WNT2: variants seen among roughly 807,000 people sequenced by gnomAD.
WNT2 encodes Wnt family member 2, also known as protein Wnt-2.
Under a neutral mutation model 36.9 loss-of-function variants are expected in WNT2, and 12 were observed. The observed-to-expected ratio is 0.33, with a 90% CI of 0.21 to 0.53. WNT2 has a LOEUF of 0.53. Ranked by LOEUF, WNT2 falls within the 20% of genes least tolerant of loss-of-function variation. The probability of loss-of-function intolerance (pLI) is 0.95; values close to 1 mark genes in which losing one functional copy is unlikely to be tolerated. For synonymous variants in WNT2, 163 were observed against 174.6 expected (o/e 0.93, Z 0.52); for missense variants, 379 against 473.1 (o/e 0.80, Z 1.84).
At chr7:117,287,885 G>A (rs761984100) in intron 4 of WNT2, among the ~76,000 whole-genome samples, 3 of 152,114 alleles carry the variant, frequency 2.0e-5, no homozygotes, top group African/African-American at 7.2e-5. Flanking sequence ...CTACTCGGGA[G>A]GCTGAGGCAG....
rs1794386012 is a variant in WNT2 at position 117,276,726 on chromosome 7, A to G, written c.*1429T>C. On this transcript the variant is annotated 3_prime_UTR_variant, in exon 5 of 5. Coordinates refer to ENST00000265441, the MANE Select transcript of WNT2 (RefSeq NM_003391.3). ...GAACCAAATTTTTCAAGAAGACGAG[A>G]AGTAGCTATTTCACCTTTCTTTCAT... 1.3e-5 allele frequency: 2 copies of G among 152,192 alleles called. No individual in the cohort carries two copies. The highest frequency in any genetic ancestry group is 2.4e-5 in the African/African-American group (1 of 41,440). The allele number at this position is 152,192 out of a possible 1,614,324, so 9.4% of individuals were successfully genotyped here.
chr7:117,276,282 C>T lies in WNT2; in HGVS notation c.*1873G>A, dbSNP rs181365193. Among the ~76,000 whole-genome samples the T allele has an allele frequency of 6.6e-5, 10 of 152,340 alleles. 1 individual carries two copies. The highest frequency in any genetic ancestry group is 3.9e-4 in the Admixed American group (6 of 15,308). On this transcript the variant is annotated 3_prime_UTR_variant, in exon 5 of 5. Coordinates refer to ENST00000265441, the MANE Select transcript of WNT2 (RefSeq NM_003391.3). ...GGAAGGGCTGATGGCTGTGGGACCC[C>T]CATGAAAGTGCCTTCGCACTCTCAT...
intron 3 of WNT2, chr7:117,300,785 T>C (rs1482499821): frequency 1.3e-5 from 2 of 152,316 alleles, no homozygotes; most frequent in South Asian, 2.1e-4. Context: ...GGTGACAGAG[T>C]GAGACCTTGT....
chr7:117,314,529 C>T (rs1316615456), intron 3 of WNT2, among the ~76,000 whole-genome samples: 1 of 152,168 alleles, frequency 6.6e-6, no homozygotes, highest in East Asian at 1.9e-4. Flanking sequence ...CATGTCTTCT[C>T]CTGGTCCACT....
chr7:117,294,658 C>T (rs1279827772), intron 4 of WNT2, among the ~76,000 whole-genome samples: 2 of 148,324 alleles, frequency 1.3e-5, no homozygotes. Flanking sequence ...GAACCAATTT[C>T]AAATTTTTTA....
chr7:117,289,527 T>G (rs184083292), intron 4 of WNT2, among the ~76,000 whole-genome samples: 99 of 152,348 alleles, frequency 6.5e-4, no homozygotes, highest in Non-Finnish European at 1.1e-3. Flanking sequence ...TGGGTGGAGA[T>G]GTGCCTAGTA....
In WNT2 at chr7:117,315,142, C is replaced by T; in HGVS notation, c.517G>A (p.Asp173Asn). The T allele has an allele frequency of 1.9e-6, 3 of 1,614,170 alleles. No homozygotes were observed. The highest frequency in any genetic ancestry group is 1.7e-6 in the Non-Finnish European group (2 of 1,180,022). ...YGIKFARAFV[D>N]AKERKGKDAR... ...TCCTTTCCTTTCCTTTCCTTTGCAT[C>T]CACAAATGCGCGGGCAAATTTGATC... Residue 173 changes from aspartate to asparagine, a missense_variant, in exon 3 of 5, where the codon GAT (aspartate) becomes AAT (asparagine). By Grantham distance (23) the Asp-to-Asn change is conservative. Transcript: ENST00000265441.
chr7:117,314,523 T>C (rs530943773), intron 3 of WNT2, among the ~76,000 whole-genome samples: 4 of 152,188 alleles, frequency 2.6e-5, no homozygotes, highest in Non-Finnish European at 4.4e-5. Flanking sequence ...GAGGATCATG[T>C]CTTCTCCTGG....
chr7:117,294,720 G>A lies in WNT2; in HGVS notation c.853+2892C>T, dbSNP rs2402178. Among the ~76,000 whole-genome samples the A allele has an allele frequency of 6.8e-3, 1,039 of 152,230 alleles. 12 individuals are homozygous for A. The highest frequency in any genetic ancestry group is 0.024 in the African/African-American group (978 of 41,534). ...AGACAGAAGACAGATAAGAGAGAAAGTAAGTTATATAGCTTTCTTCAGAAA... is the reference window on the plus strand; with the variant it reads ...AGACAGAAGACAGATAAGAGAGAAAATAAGTTATATAGCTTTCTTCAGAAA... On this transcript the variant is annotated intron_variant, in intron 4 of 4. Transcript: ENST00000265441.
At chr7:117,306,214 A>G (rs1391643521) in intron 3 of WNT2, among the ~76,000 whole-genome samples, 1 of 151,686 alleles carries the variant, frequency 6.6e-6, no homozygotes, top group Non-Finnish European at 1.5e-5. Flanking sequence ...TTTTTCTATT[A>G]CTACAATTTT....
rs2116316356 is a variant in WNT2 at position 117,276,848 on chromosome 7, T to A, written c.*1307A>T. Reference sequence around the variant, plus strand: ...CCAACCACTATTTGCATACTGATGCTCCCATAATTACAGTTGAGTCCCTTA... The same window carrying A: ...CCAACCACTATTTGCATACTGATGCACCCATAATTACAGTTGAGTCCCTTA... On this transcript the variant is annotated 3_prime_UTR_variant, in exon 5 of 5. Transcript: ENST00000265441. 1 of 152,378 alleles carries A rather than the reference T, an allele frequency of 6.6e-6. No homozygotes were observed. 9.4% of individuals were successfully genotyped at this position (152,378 alleles called of 1,614,324 possible).
intron 3 of WNT2, among the ~76,000 whole-genome samples, chr7:117,305,838 C>T (rs995225836): frequency 2.6e-5 from 4 of 152,208 alleles, no homozygotes; most frequent in African/African-American, 9.6e-5. Context: ...GCACCCAGGA[C>T]ACTGGCTCTT....
At chr7:117,288,514 G>A (rs1258881584) in intron 4 of WNT2, among the ~76,000 whole-genome samples, 2 of 152,124 alleles carry the variant, frequency 1.3e-5, no homozygotes, top group East Asian at 3.9e-4. Context: ...AATGAAGTAA[G>A]CAAATTTGTT....
chr7:117,310,711 T>C (rs914311793), intron 3 of WNT2, among the ~76,000 whole-genome samples: 2 of 152,144 alleles, frequency 1.3e-5, no homozygotes, highest in Non-Finnish European at 2.9e-5. Flanking sequence ...TCCCTCAACT[T>C]TATGATACAC....
At chr7:117,286,475 ACCT>A (rs1273838903) in intron 4 of WNT2, among the ~76,000 whole-genome samples, 1 of 136,944 alleles carries the variant, frequency 7.3e-6, no homozygotes, top group African/African-American at 2.8e-5. Context: ...TCTCCTCCTC[ACCT>A]CCTTCTCCCC....
chr7:117,316,773 T>C (rs1795227998), intron 2 of WNT2, among the ~76,000 whole-genome samples: 1 of 152,164 alleles, frequency 6.6e-6, no homozygotes, highest in Non-Finnish European at 1.5e-5. Context: ...GTAAAATCAA[T>C]TATATGACTA....
chr7:117,310,867 C>A (rs571408543), intron 3 of WNT2, among the ~76,000 whole-genome samples: 230 of 152,246 alleles, frequency 1.5e-3, no homozygotes, highest in Non-Finnish European at 2.1e-3. Context: ...GCTAACTGGC[C>A]CTGTGGCTGA....
intron 3 of WNT2, among the ~76,000 whole-genome samples, chr7:117,304,270 C>G (rs1279357321): frequency 6.6e-6 from 1 of 152,070 alleles, no homozygotes; most frequent in East Asian, 1.9e-4. Flanking sequence ...CTGGTGGATT[C>G]TTTGAAAATG....
chr7:117,283,968 C>T (rs1053717842), intron 4 of WNT2, among the ~76,000 whole-genome samples: 29 of 152,050 alleles, frequency 1.9e-4, no homozygotes, highest in African/African-American at 6.8e-4. Context: ...CATGAGGCAT[C>T]GGGGCACCAA....
Sources: allele counts gnomAD v4.1 joint callset (sites outside exome capture counted in the v4.1 genomes callset), GRCh38; gene constraint gnomAD v4.1.1; transcripts MANE v1.5; gene names NCBI Gene and HGNC (gene_info 2026-07-23, HGNC 2026-07-21).